The following GFPT1 variants were observed in gnomAD, a reference collection of about 807,000 sequenced individuals.
GFPT1 encodes the protein glutamine--fructose-6-phosphate aminotransferase [isomerizing] 1.
Under a neutral mutation model 92.0 loss-of-function variants are expected in GFPT1, and 40 were observed. The observed-to-expected ratio is 0.43, with a 90% CI of 0.34 to 0.57. GFPT1 has a LOEUF of 0.57. GFPT1 is among the 20% of genes least tolerant of loss of function. The pLI is 0.02. For missense variants in GFPT1, 448 were observed against 869.1 expected (o/e 0.52, Z 6.09); for synonymous variants, 269 against 280.6 (o/e 0.96, Z 0.41).
intron 3 of GFPT1, among the ~76,000 whole-genome samples, chr2:69,369,140 G>A (rs1671683479): frequency 1.3e-5 from 2 of 152,072 alleles, no homozygotes; most frequent in African/African-American, 4.8e-5. Flanking sequence ...AGTTATTTGG[G>A]TGTCTGCTTT....
In GFPT1 at chr2:69,387,086, G is replaced by A. The variant is rs778055052; in HGVS notation, c.-15C>T. 82 of 1,536,292 alleles carry A rather than the reference G, an allele frequency of 5.3e-5. No individual in the cohort carries two copies. The highest frequency in any genetic ancestry group is 7.0e-5 in the Non-Finnish European group (80 of 1,146,428). Reference sequence around the variant, plus strand: ...TTACCACACATGATGCCGGAGACACGGCCCGCGAGGCCAGGGGCGAGTGGC... The same window carrying A: ...TTACCACACATGATGCCGGAGACACAGCCCGCGAGGCCAGGGGCGAGTGGC... On this transcript the variant is annotated 5_prime_UTR_variant, in exon 1 of 20. Transcript: ENST00000357308.
At chr2:69,355,539 C>T (rs1403027312) in intron 7 of GFPT1, among the ~76,000 whole-genome samples, 1 of 152,158 alleles carries the variant, frequency 6.6e-6, no homozygotes, top group African/African-American at 2.4e-5. Context: ...GCTACAGAGG[C>T]TACATGGTCC....
At chr2:69,368,971 C>T (rs1671676251) in intron 3 of GFPT1, among the ~76,000 whole-genome samples, 2 of 152,140 alleles carry the variant, frequency 1.3e-5, no homozygotes, top group South Asian at 4.1e-4. Flanking sequence ...ATATAATCAG[C>T]ACCCATTCCC....
In GFPT1 at chr2:69,361,400, A is replaced by G. The variant is rs557434954; in HGVS notation, c.350-2074T>C. ...GAGGCAGAGGTTGCAGTGAGCGGAAAGCATGCCATTGCACTCCAGCCTTGG... is the reference window on the plus strand; with the variant it reads ...GAGGCAGAGGTTGCAGTGAGCGGAAGGCATGCCATTGCACTCCAGCCTTGG... On this transcript the variant is annotated intron_variant, in intron 4 of 19. Coordinates refer to ENST00000357308, the MANE Select transcript of GFPT1 (RefSeq NM_001244710.2). 1.1e-4 allele frequency among the ~76,000 whole-genome samples: 16 copies of G among 151,252 alleles called. No homozygotes were observed. In the South Asian group the frequency reaches 3.4e-3, roughly 32 times the overall value.
chr2:69,333,314 G>A (rs1558732943), intron 15 of GFPT1, among the ~76,000 whole-genome samples: 1 of 152,176 alleles, frequency 6.6e-6, no homozygotes. Flanking sequence ...ACAAACTAGT[G>A]TTTATTTGTT....
intron 9 of GFPT1, among the ~76,000 whole-genome samples, chr2:69,351,798 A>G (rs1239865501): frequency 6.6e-6 from 1 of 152,234 alleles, no homozygotes; most frequent in Non-Finnish European, 1.5e-5. Flanking sequence ...ATAACATATT[A>G]GTGTTTGCCA....
Position 69,350,161 on chromosome 2 carries a change from G to A in GFPT1, c.762C>T (p.Cys254=), listed in dbSNP as rs780741739. The A allele has an allele frequency of 1.2e-6, 2 of 1,613,432 alleles. No homozygotes were observed. The highest frequency in any genetic ancestry group is 1.7e-4 in the Middle Eastern group (1 of 6,060). The change falls in exon 10 of 20, where the codon TGC becomes TGT. Residue 254 remains cysteine (C), a synonymous_variant. Coordinates refer to ENST00000357308, the MANE Select transcript of GFPT1 (RefSeq NM_001244710.2). Reference sequence around the variant, plus strand: ...TTGTGCTGTCCACACGAGAGAGATTGCAGCTTCCTTTCTTGTCTTTGCCTA... The same window carrying A: ...TTGTGCTGTCCACACGAGAGAGATTACAGCTTCCTTTCTTGTCTTTGCCTA... The part of the protein sequence containing the change: ...GERGKDKKGS[C]NLSRVDSTTC...
At chr2:69,333,571 TTTTC>T (rs1279321683) in intron 15 of GFPT1, among the ~76,000 whole-genome samples, 2 of 152,246 alleles carry the variant, frequency 1.3e-5, no homozygotes, top group African/African-American at 2.4e-5. Flanking sequence ...TAAACTTGGT[TTTTC>T]TTTTTGTTCA....
chr2:69,369,266 C>CATCATTT (rs1365961195), intron 3 of GFPT1, among the ~76,000 whole-genome samples: 4 of 151,930 alleles, frequency 2.6e-5, no homozygotes, highest in African/African-American at 7.3e-5. Flanking sequence ...AGACAAAATC[C>CATCATTT]ATCATTTTCC....
Position 69,381,785 on chromosome 2 carries a change from G to A in GFPT1, c.7+5280C>T, listed in dbSNP as rs1433374762. On this transcript the variant is annotated intron_variant, in intron 1 of 19. Coordinates refer to ENST00000357308, the MANE Select transcript of GFPT1 (RefSeq NM_001244710.2). The stretch of plus-strand genomic sequence containing the variant: ...CCCGGGCTGATCTTGAACTCCTAGC[G>A]TCAAGCAATCCTCCTGCCTCAGCTT... 4.0e-5 allele frequency among the ~76,000 whole-genome samples: 6 copies of A among 150,300 alleles called. 1 individual carries two copies. The highest frequency in any genetic ancestry group is 1.3e-4 in the Admixed American group (2 of 15,056).
At chr2:69,361,893 TC>T (rs1216371352) in intron 4 of GFPT1, among the ~76,000 whole-genome samples, 6 of 152,076 alleles carry the variant, frequency 3.9e-5, no homozygotes, top group Non-Finnish European at 8.8e-5. Flanking sequence ...GGCAGGAAGA[TC>T]ACTTGTGCCC....
chr2:69,350,724 G>A (rs113935690), intron 9 of GFPT1, among the ~76,000 whole-genome samples: 11 of 152,052 alleles, frequency 7.2e-5, no homozygotes, highest in African/African-American at 1.2e-4. Flanking sequence ...TCAACATGGC[G>A]AAACCCCATC....
At chr2:69,365,710 T>C (rs187795042) in intron 3 of GFPT1, among the ~76,000 whole-genome samples, 1 of 152,334 alleles carries the variant, frequency 6.6e-6, no homozygotes, top group East Asian at 1.9e-4. Context: ...CTTAACTGTG[T>C]TCTAAGTAAT....
chr2:69,340,690 T>C (rs1422336967), intron 13 of GFPT1, among the ~76,000 whole-genome samples: 1 of 151,506 alleles, frequency 6.6e-6, no homozygotes, highest in African/African-American at 2.4e-5. Context: ...AACAAAAATG[T>C]AAAACAGGAT....
intron 3 of GFPT1, among the ~76,000 whole-genome samples, chr2:69,367,339 TA>T (rs1291834576): frequency 1.5e-5 from 2 of 137,300 alleles, no homozygotes; most frequent in East Asian, 4.0e-4. Flanking sequence ...ATATACAACT[TA>T]TTTTTTGTTG....
chr2:69,334,016 C>T lies in GFPT1; in HGVS notation c.1482+3882G>A, dbSNP rs1293397828. ...ACTAAAAATACAAAAATTGGCCAGG[C>T]GTGGTGGCAGTTACCTGTAATCCCA... On this transcript the variant is annotated intron_variant, in intron 15 of 19. Coordinates refer to ENST00000357308, the MANE Select transcript of GFPT1 (RefSeq NM_001244710.2). Among the ~76,000 whole-genome samples, 7 of 152,184 alleles carry T rather than the reference C, an allele frequency of 4.6e-5. No individual in the cohort carries two copies. The East Asian group carries it at 1.2e-3, about 25-fold the overall frequency.
Position 69,363,538 on chromosome 2 carries a change from T to G in GFPT1, c.349+7A>C. The G allele has an allele frequency of 6.2e-7, 1 of 1,613,908 alleles. No individual in the cohort carries two copies. Among genetic ancestry groups the G allele is most frequent in the Non-Finnish European group, 8.5e-7 (1 of 1,179,792 alleles). On this transcript the variant is annotated splice_region_variant and intron_variant, in intron 4 of 19. Coordinates refer to ENST00000357308, the MANE Select transcript of GFPT1 (RefSeq NM_001244710.2). ...ATCATTCCAAAGCACAAAAAATCTT[T>G]CCATACCATTATTTTTATCAGAGCG...
Position 69,375,886 on chromosome 2 carries a change from A to C in GFPT1, c.8-1773T>G, listed in dbSNP as rs571435025. ...AGGATATTGCTAAGGTAAGAGTGGTAGCGGCACAGCAATGTGCAGCTTCCA... is the reference window on the plus strand; with the variant it reads ...AGGATATTGCTAAGGTAAGAGTGGTCGCGGCACAGCAATGTGCAGCTTCCA... On this transcript the variant is annotated intron_variant, in intron 1 of 19. Coordinates refer to ENST00000357308, the MANE Select transcript of GFPT1 (RefSeq NM_001244710.2). Among the ~76,000 whole-genome samples the C allele has an allele frequency of 3.3e-5, 5 of 152,396 alleles. No individual in the cohort carries two copies. The East Asian group carries it at 9.6e-4, about 29-fold the overall frequency.
At chr2:69,364,757 G>A (rs964978002) in intron 3 of GFPT1, among the ~76,000 whole-genome samples, 6 of 152,210 alleles carry the variant, frequency 3.9e-5, no homozygotes, top group African/African-American at 1.2e-4. Context: ...AGCACTTCGG[G>A]AGGCAGAGGC....
Sources: allele counts gnomAD v4.1 joint callset (sites outside exome capture counted in the v4.1 genomes callset), GRCh38; gene constraint gnomAD v4.1.1; transcripts MANE v1.5; gene names NCBI Gene and HGNC (gene_info 2026-07-23, HGNC 2026-07-21).